Variants in TRDN observed in about 807,000 individuals in gnomAD.
TRDN encodes the protein triadin.
TRDN carries 161 observed loss-of-function variants against 149.7 expected under a neutral mutation model. The observed-to-expected ratio is 1.08, with a 90% CI of 0.95 to 1.23. The LOEUF (loss-of-function observed/expected upper bound fraction) is 1.23. Among genes scored for constraint, TRDN ranks in the 50% most tolerant of loss-of-function variants. TRDN has a pLI of 0.00. For synonymous variants in TRDN, 294 were observed against 250.5 expected (o/e 1.17, Z -1.64); for missense variants, 896 against 823.5 (o/e 1.09, Z -1.08).
chr6:123,393,013 G>T (rs940508708), intron 13 of TRDN, among the ~76,000 whole-genome samples: 11 of 151,880 alleles, frequency 7.2e-5, no homozygotes, highest in Non-Finnish European at 1.5e-4. Context: ...ATAAAGTTTT[G>T]CCACATAACA....
chr6:123,283,973 A>G (rs1160568845), intron 24 of TRDN, among the ~76,000 whole-genome samples: 9 of 43,620 alleles, frequency 2.1e-4, no homozygotes, highest in Non-Finnish European at 3.8e-4. Flanking sequence ...GGTGCAGCAC[A>G]CCAACATGGC....
intron 24 of TRDN, among the ~76,000 whole-genome samples, chr6:123,302,618 T>TA (rs1339791802): frequency 6.6e-6 from 1 of 151,962 alleles, no homozygotes; most frequent in African/African-American, 2.4e-5. Flanking sequence ...AATAAGTGAA[T>TA]AAAACACTGA....
chr6:123,598,000 A>G (rs1401266389), intron 1 of TRDN, among the ~76,000 whole-genome samples: 1 of 152,100 alleles, frequency 6.6e-6, no homozygotes, highest in African/African-American at 2.4e-5. Flanking sequence ...ATAAAGAATA[A>G]TTAGAAAAGA....
chr6:123,614,298 AACAAAAAAAAAAAAAAC>A (rs1784965277), intron 1 of TRDN, among the ~76,000 whole-genome samples: 2 of 136,028 alleles, frequency 1.5e-5, no homozygotes, highest in African/African-American at 6.9e-5. Flanking sequence ...TAAAAAAAAA[AACAAAAAAAAAAAAAAC>A]AAAAAAAACC....
intron 19 of TRDN, among the ~76,000 whole-genome samples, chr6:123,370,311 A>G (rs1243925122): frequency 1.3e-5 from 2 of 151,974 alleles, no homozygotes; most frequent in Admixed American, 6.6e-5. Flanking sequence ...AAGGTAAGAT[A>G]ATTTTATATA....
Position 123,583,076 on chromosome 6 carries a change from C to T in TRDN, c.23-11944G>A, listed in dbSNP as rs541942849. 2.0e-5 allele frequency among the ~76,000 whole-genome samples: 3 copies of T among 152,278 alleles called. No homozygotes were observed. In the East Asian group the frequency reaches 5.8e-4, roughly 29 times the overall value. On this transcript the variant is annotated intron_variant, in intron 1 of 40. Coordinates refer to ENST00000334268, the MANE Select transcript of TRDN (RefSeq NM_006073.4). ...GTCTAAGAATTGGGATGACTCAGGA[C>T]ATCTGCTTAGAGAGTGCCTAAGGAG...
At chr6:123,350,137 T>G in intron 21 of TRDN, 1 of 973,450 alleles carries the variant, frequency 1.0e-6, no homozygotes. Context: ...TAAAATTTAT[T>G]CTTGATGGTT....
intron 1 of TRDN, among the ~76,000 whole-genome samples, chr6:123,587,759 C>G (rs6902168): frequency 0.92 from 136,330 of 148,514 alleles, 62,653 homozygotes; most frequent in East Asian, 1. Context: ...GTAGGTAAAG[C>G]AAAAGGGGGG....
At chr6:123,260,211 T>C (rs145609340) in intron 34 of TRDN, among the ~76,000 whole-genome samples, 2 of 152,186 alleles carry the variant, frequency 1.3e-5, no homozygotes, top group East Asian at 3.9e-4. Context: ...CATTTTTACC[T>C]TTAGGAAATA....
chr6:123,229,065 T>G (rs767464901), intron 38 of TRDN, among the ~76,000 whole-genome samples: 40 of 151,986 alleles, frequency 2.6e-4, no homozygotes, highest in Non-Finnish European at 4.7e-4. Flanking sequence ...AAAATTGTAC[T>G]ATCTTGACTT....
intron 10 of TRDN, chr6:123,464,141 G>T: frequency 1.8e-6 from 1 of 552,548 alleles, no homozygotes; most frequent in Non-Finnish European, 2.3e-6. Context: ...AGAAGGAACT[G>T]TTTTCTATTC....
chr6:123,335,121 A>G (rs1779814266), intron 22 of TRDN, among the ~76,000 whole-genome samples: 1 of 151,960 alleles, frequency 6.6e-6, no homozygotes, highest in Admixed American at 6.6e-5. Context: ...TCTTATAGGT[A>G]ATATTAAAAT....
chr6:123,585,620 T>A (rs59632473), intron 1 of TRDN, among the ~76,000 whole-genome samples: 74,671 of 151,974 alleles, frequency 0.49, 18,564 homozygotes, highest in East Asian at 0.58. Context: ...TTCCAGGGGC[T>A]CTGGGAGTGG....
At chr6:123,378,687 T>C (rs1270305467) in intron 16 of TRDN, among the ~76,000 whole-genome samples, 1 of 152,186 alleles carries the variant, frequency 6.6e-6, no homozygotes, top group African/African-American at 2.4e-5. Context: ...CTGCCTCTTC[T>C]AAGAATCTTC....
chr6:123,618,836 A>T (rs1369945487), intron 1 of TRDN, among the ~76,000 whole-genome samples: 1 of 151,780 alleles, frequency 6.6e-6, no homozygotes, highest in East Asian at 1.9e-4. Context: ...CCTCTTTCTC[A>T]TCCTCTTCCT....
chr6:123,332,898 G>T (rs985651019), intron 22 of TRDN, among the ~76,000 whole-genome samples: 1 of 152,106 alleles, frequency 6.6e-6, no homozygotes, highest in African/African-American at 2.4e-5. Context: ...TTTATTAAAA[G>T]AACTGCATCT....
At chr6:123,266,360 T>C (rs1776975077) in intron 32 of TRDN, among the ~76,000 whole-genome samples, 3 of 113,288 alleles carry the variant, frequency 2.6e-5, no homozygotes, top group South Asian at 2.4e-4. Flanking sequence ...ATATATATAT[T>C]ATGATATGTA....
intron 15 of TRDN, among the ~76,000 whole-genome samples, chr6:123,381,652 C>T (rs1336933215): frequency 1.3e-5 from 2 of 151,854 alleles, no homozygotes; most frequent in Non-Finnish European, 2.9e-5. Context: ...TTATTTACAC[C>T]TGATATGTAA....
intron 1 of TRDN, among the ~76,000 whole-genome samples, chr6:123,584,991 G>A (rs534919968): frequency 6.6e-5 from 10 of 152,156 alleles, no homozygotes; most frequent in Admixed American, 2.0e-4. Flanking sequence ...TAGCAGGCAA[G>A]TGATAACAGG....
Sources: gnomAD v4.1 joint callset for allele counts (sites outside exome capture counted in the v4.1 genomes callset) on GRCh38, gnomAD v4.1.1 for gene constraint, MANE v1.5 for transcripts, NCBI Gene and HGNC (gene_info 2026-07-23, HGNC 2026-07-21) for gene names.